ATP8A1: variants seen among roughly 807,000 people sequenced by gnomAD.
The protein encoded by ATP8A1 is ATPase phospholipid transporting 8A1, also known as phospholipid-transporting ATPase IA.
ATP8A1 carries 90 observed loss-of-function variants against 177.7 expected under a neutral mutation model. That is an observed-to-expected ratio of 0.51 (90% CI 0.43 to 0.60). The LOEUF is 0.60. Among genes scored for constraint, ATP8A1 ranks in the 20% least tolerant of loss-of-function variants. ATP8A1 has a pLI of 0.00. For synonymous variants in ATP8A1, 493 were observed against 485.9 expected (o/e 1.01, Z -0.19); for missense variants, 1,072 against 1,392.8 (o/e 0.77, Z 3.67).
intron 9 of ATP8A1, among the ~76,000 whole-genome samples, chr4:42,583,367 GGTGCATTTCAGA>G (rs1733302817): frequency 6.6e-6 from 1 of 152,114 alleles, no homozygotes; most frequent in East Asian, 1.9e-4. Flanking sequence ...CAAGATTAAG[GGTGCATTTCAGA>G]GTTGAAAGGG....
intron 6 of ATP8A1, among the ~76,000 whole-genome samples, chr4:42,594,921 T>C (rs1048264558): frequency 6.6e-5 from 10 of 152,172 alleles, no homozygotes; most frequent in African/African-American, 2.4e-4. Context: ...ATCAATGTAT[T>C]TTAAATTAAA....
At chr4:42,533,215 G>C (rs562346301) in intron 20 of ATP8A1, among the ~76,000 whole-genome samples, 1 of 152,294 alleles carries the variant, frequency 6.6e-6, no homozygotes, top group South Asian at 2.1e-4. Flanking sequence ...CTGTGAGTCA[G>C]CTTGCTTTCT....
intron 35 of ATP8A1, among the ~76,000 whole-genome samples, chr4:42,420,977 C>G (rs1713846976): frequency 6.6e-6 from 1 of 151,976 alleles, no homozygotes; most frequent in Non-Finnish European, 1.5e-5. Context: ...ACTGTGTTAG[C>G]CAGGATGGTC....
chr4:42,592,801 C>G (rs891740133), intron 6 of ATP8A1, among the ~76,000 whole-genome samples: 5 of 152,048 alleles, frequency 3.3e-5, no homozygotes, highest in African/African-American at 1.2e-4. Context: ...TGTAAAGAAA[C>G]AGTAACACAA....
At chr4:42,463,379 C>A (rs1044557647) in intron 27 of ATP8A1, among the ~76,000 whole-genome samples, 1 of 152,198 alleles carries the variant, frequency 6.6e-6, no homozygotes, top group African/African-American at 2.4e-5. Flanking sequence ...TTCCCCTGCA[C>A]AAGCTCTCTT....
chr4:42,465,682 T>A (rs1460554594), intron 25 of ATP8A1, among the ~76,000 whole-genome samples: 1 of 152,086 alleles, frequency 6.6e-6, no homozygotes, highest in African/African-American at 2.4e-5. Flanking sequence ...TAAAATCATA[T>A]CTGGTATTAG....
intron 33 of ATP8A1, among the ~76,000 whole-genome samples, chr4:42,440,642 T>C (rs183446062): frequency 6.6e-6 from 1 of 152,262 alleles, no homozygotes; most frequent in African/African-American, 2.4e-5. Context: ...AAAAAATATA[T>C]ATATAGTCCT....
intron 6 of ATP8A1, among the ~76,000 whole-genome samples, chr4:42,595,827 T>C (rs1560500213): frequency 1.3e-5 from 2 of 152,208 alleles, no homozygotes; most frequent in African/African-American, 4.8e-5. Context: ...CCCTAATTGA[T>C]TGTGCTGCTT....
chr4:42,561,101 A>G (rs1275446732), intron 15 of ATP8A1, among the ~76,000 whole-genome samples: 2 of 152,166 alleles, frequency 1.3e-5, no homozygotes, highest in South Asian at 2.1e-4. Context: ...GCCTAACGTA[A>G]TTGAGTATTG....
At chr4:42,576,673 C>A (rs1732494314) in intron 12 of ATP8A1, among the ~76,000 whole-genome samples, 1 of 151,892 alleles carries the variant, frequency 6.6e-6, no homozygotes, top group African/African-American at 2.4e-5. Context: ...AATTCAAAGC[C>A]CATCTCTCCC....
chr4:42,519,294 A>G (rs1039088932), intron 22 of ATP8A1, among the ~76,000 whole-genome samples: 5 of 151,786 alleles, frequency 3.3e-5, no homozygotes, highest in African/African-American at 4.8e-5. Flanking sequence ...GTCTCCCCCT[A>G]TGTTCCCCCA....
intron 35 of ATP8A1, among the ~76,000 whole-genome samples, chr4:42,415,469 AGT>A (rs1187159800): frequency 1.4e-5 from 1 of 71,482 alleles, no homozygotes; most frequent in African/African-American, 4.0e-5. Context: ...TTCCCATAAA[AGT>A]GTCTCACACA....
chr4:42,475,612 A>C (rs993770637), intron 25 of ATP8A1, among the ~76,000 whole-genome samples: 3 of 152,150 alleles, frequency 2.0e-5, no homozygotes, highest in Non-Finnish European at 4.4e-5. Context: ...GAAATATTCA[A>C]TTAGGCTATA....
At chr4:42,549,421 C>T (rs1729265255) in intron 18 of ATP8A1, among the ~76,000 whole-genome samples, 2 of 140,494 alleles carry the variant, frequency 1.4e-5, no homozygotes, top group Admixed American at 7.7e-5. Flanking sequence ...AGTATGGGAA[C>T]AATTAATATA....
intron 20 of ATP8A1, among the ~76,000 whole-genome samples, chr4:42,538,500 C>T (rs898218520): frequency 1.1e-4 from 16 of 152,100 alleles, no homozygotes; most frequent in African/African-American, 2.9e-4. Flanking sequence ...AAAATCTTCA[C>T]AAAGTATGCA....
At chr4:42,475,425 GA>G (rs1448616623) in intron 25 of ATP8A1, among the ~76,000 whole-genome samples, 1 of 119,610 alleles carries the variant, frequency 8.4e-6, no homozygotes, top group Non-Finnish European at 1.7e-5. Context: ...AGGATTTGGA[GA>G]AAAAACAAAA....
intron 33 of ATP8A1, among the ~76,000 whole-genome samples, chr4:42,433,564 A>C (rs1240438157): frequency 6.6e-6 from 1 of 152,194 alleles, no homozygotes; most frequent in Non-Finnish European, 1.5e-5. Context: ...AAACCCCAAT[A>C]TGTTTACAAT....
At chr4:42,570,076 CTT>C (rs1731753955) in intron 14 of ATP8A1, among the ~76,000 whole-genome samples, 2 of 152,090 alleles carry the variant, frequency 1.3e-5, no homozygotes. Context: ...ATACAATAAA[CTT>C]TGTTAAAAAC....
intron 5 of ATP8A1, among the ~76,000 whole-genome samples, chr4:42,614,769 A>T (rs1441119894): frequency 6.6e-6 from 1 of 152,182 alleles, no homozygotes; most frequent in Admixed American, 6.5e-5. Flanking sequence ...GCAGTCTAAT[A>T]ATGGTTCAGC....
Sources: gnomAD v4.1 joint callset for allele counts (sites outside exome capture counted in the v4.1 genomes callset) on GRCh38, gnomAD v4.1.1 for gene constraint, MANE v1.5 for transcripts, NCBI Gene and HGNC (gene_info 2026-07-23, HGNC 2026-07-21) for gene names.